GSTM3: variants seen among roughly 807,000 people sequenced by gnomAD.
The protein encoded by GSTM3 is GST class-mu 3.
GSTM3 carries 34 observed loss-of-function variants against 36.1 expected under a neutral mutation model. The ratio of observed to expected loss-of-function variants is 0.94; its 90% CI spans 0.72 to 1.25. GSTM3 has a LOEUF of 1.25. Among genes scored for constraint, GSTM3 ranks in the 50% most tolerant of loss-of-function variants. GSTM3 has a pLI of 0.00. For synonymous variants in GSTM3, 102 were observed against 99.5 expected (o/e 1.03, Z -0.15); for missense variants, 266 against 281.6 (o/e 0.94, Z 0.40).
rs1557980811 is a variant in GSTM3, at chr1:109,740,390, C to T, written c.-103G>A. On this transcript the variant is annotated 5_prime_UTR_variant, in exon 2 of 9. Transcript: ENST00000361066. Reference sequence around the variant, plus strand: ...GGCCCACGCGCGGGCGCCCTGACTCCGCCTCCGCCCCGTTCTCCGTCCCTT... The same window carrying T: ...GGCCCACGCGCGGGCGCCCTGACTCTGCCTCCGCCCCGTTCTCCGTCCCTT... 1.6e-5 allele frequency: 15 copies of T among 961,418 alleles called. No individual in the cohort carries two copies. The highest frequency in any genetic ancestry group is 6.8e-5 in the Admixed American group (3 of 44,258). The allele number at this position is 961,418 out of a possible 1,614,324, so 59.6% of individuals were successfully genotyped here.
Position 109,735,855 on chromosome 1 carries a change from A to G in GSTM3, c.*1216T>C, listed in dbSNP as rs1227455255. The G allele has an allele frequency of 6.6e-6, 1 of 151,886 alleles. No individual in the cohort carries two copies. Among genetic ancestry groups the G allele is most frequent in the Non-Finnish European group, 1.5e-5 (1 of 68,012 alleles). The allele number at this position is 151,886 out of a possible 1,614,324, so 9.4% of individuals were successfully genotyped here. A position where few individuals can be genotyped will look rare whatever the true frequency, so the allele number is the denominator to read the frequency against. On this transcript the variant is annotated 3_prime_UTR_variant, in exon 9 of 9. Coordinates refer to ENST00000361066, the MANE Select transcript of GSTM3 (RefSeq NM_000849.5). Reference sequence around the variant, plus strand: ...ACGGGGTTTCATCATGTTGGCCAGGATGGTCTCGATCTCTTGACCTCGTGA... The same window carrying G: ...ACGGGGTTTCATCATGTTGGCCAGGGTGGTCTCGATCTCTTGACCTCGTGA...
chr1:109,734,837 C>G lies in GSTM3; in HGVS notation c.*2234G>C, dbSNP rs1308548964. Reference sequence around the variant, plus strand: ...TGCCATTTGGGCCCTCTGACCATCACTAGAGAGATCCTTGGCTTCTGGTCC... The same window carrying G: ...TGCCATTTGGGCCCTCTGACCATCAGTAGAGAGATCCTTGGCTTCTGGTCC... On this transcript the variant is annotated 3_prime_UTR_variant, in exon 9 of 9. Transcript: ENST00000361066. 6.6e-6 allele frequency: 1 copy of G among 152,342 alleles called. No individual in the cohort carries two copies. Among genetic ancestry groups the G allele is most frequent in the East Asian group, 1.9e-4 (1 of 5,196 alleles). The allele number at this position is 152,342 out of a possible 1,614,324, so 9.4% of individuals were successfully genotyped here.
chr1:109,739,315 A>G, intron 4 of GSTM3, 114 bp downstream of exon 4: 1 of 629,282 alleles, frequency 1.6e-6, no homozygotes, highest in Non-Finnish European at 2.9e-6. Context: ...TATTTATTCT[A>G]TCCGGGTTAA....
intron 6 of GSTM3, 116 bp downstream of exon 6, chr1:109,737,975 C>T (rs1036486045): frequency 1.3e-6 from 1 of 742,044 alleles, no homozygotes; most frequent in South Asian, 1.6e-5. Flanking sequence ...CTTATTCTAA[C>T]AATCTGGATT....
chr1:109,740,250 T>G lies in GSTM3; in HGVS notation c.38A>C (p.Asp13Ala), dbSNP rs767487057. The G allele has an allele frequency of 2.0e-5, 33 of 1,613,278 alleles. No homozygotes were observed. The highest frequency in any genetic ancestry group is 4.2e-6 in the Non-Finnish European group (5 of 1,179,580). The part of the protein sequence containing the change: ...CESSMVLGYW[D>A]IRGLAHAIRL... ...TGAGACGGCACTCACCCCACGAATA[T>G]CCCAGTACCCGAGAACCATAGACGA... Residue 13 changes from aspartate to alanine, a missense_variant, in exon 2 of 9, where the codon GAT (aspartate) becomes GCT (alanine). Transcript: ENST00000361066.
chr1:109,739,124 A>C (rs1649294069), intron 4 of GSTM3, among the ~76,000 whole-genome samples: 1 of 152,230 alleles, frequency 6.6e-6, no homozygotes, highest in South Asian at 2.1e-4. Flanking sequence ...CTGTCTCAAA[A>C]CAAAAGAACA....
rs36210413 is a variant in GSTM3, at chr1:109,740,288, G to A, written c.-1C>T. The A allele has an allele frequency of 4.5e-5, 73 of 1,613,284 alleles. No individual in the cohort carries two copies. The African/African-American group carries it at 4.8e-4, about 11-fold the overall frequency. On this transcript the variant is annotated 5_prime_UTR_variant, in exon 2 of 9. Transcript: ENST00000361066. ...GAACCATAGACGACTCGCACGACATGGTGACGGGCTTCCGAGCCTTCGAGG... is the reference window on the plus strand; with the variant it reads ...GAACCATAGACGACTCGCACGACATAGTGACGGGCTTCCGAGCCTTCGAGG...
rs747271780 is a variant in GSTM3, at chr1:109,735,633, G to GAGTTTTTTTTTT, written c.*1437_*1438insAAAAAAAAAACT. 6 of 60,720 alleles carry GAGTTTTTTTTTT rather than the reference G, an allele frequency of 9.9e-5. 2 individuals carry two copies. The highest frequency in any genetic ancestry group is 2.1e-4 in the Admixed American group (1 of 4,666). 3.8% of individuals were successfully genotyped at this position (60,720 alleles called of 1,614,324 possible). A position where few individuals can be genotyped will look rare whatever the true frequency, so the allele number is the denominator to read the frequency against. On this transcript the variant is annotated 3_prime_UTR_variant, in exon 9 of 9. Transcript: ENST00000361066. ...CATCTTAGTATATGTCTCTTTGAAT[G>GAGTTTTTTTTTT]TTTTTTTTTTTTTTTTTTTTTTTTT...
chr1:109,738,443 A>C, intron 4 of GSTM3, 77 bp from the exon 5 acceptor site: 4 of 927,450 alleles, frequency 4.3e-6, no homozygotes, highest in Non-Finnish European at 7.1e-6. Context: ...GGGGAAAAGA[A>C]CACTTGCAGG....
Position 109,738,090 on chromosome 1 carries a change from C to G in GSTM3, c.372+1G>C. ...AGCAGATGTGTGCTAAGGAAACTCA[C>G]GTGGTCAGAGCTGTAACAGAGCCTT... On this transcript the variant is annotated splice_donor_variant, in intron 6 of 8. Coordinates refer to ENST00000361066, the MANE Select transcript of GSTM3 (RefSeq NM_000849.5). LOFTEE classifies it high-confidence loss of function. 1 of 1,599,688 alleles carries G rather than the reference C, an allele frequency of 6.3e-7. No individual in the cohort carries two copies. Among genetic ancestry groups the G allele is most frequent in the Non-Finnish European group, 8.6e-7 (1 of 1,166,844 alleles).
At chr1:109,739,100 G>A (rs1282407860) in intron 4 of GSTM3, among the ~76,000 whole-genome samples, 1 of 152,152 alleles carries the variant, frequency 6.6e-6, no homozygotes, top group African/African-American at 2.4e-5. Flanking sequence ...CAGCCTGAGC[G>A]ACAGAGTGAG....
At chr1:109,737,418 G>C in intron 8 of GSTM3, 39 bp downstream of exon 8, 1 of 1,263,452 alleles carries the variant, frequency 7.9e-7, no homozygotes, top group Non-Finnish European at 1.2e-6. Flanking sequence ...AGGGGAGCCT[G>C]TGAGTGTTTT....
At chr1:109,739,549 A>T in intron 3 of GSTM3, 56 bp from the exon 4 acceptor site, 2 of 1,276,584 alleles carry the variant, frequency 1.6e-6, no homozygotes, top group Non-Finnish European at 2.3e-6. Context: ...ACCTGACAAG[A>T]GCAAAAGATC....
At chr1:109,739,291 G>T in intron 4 of GSTM3, 138 bp downstream of exon 4, 1 of 556,642 alleles carries the variant, frequency 1.8e-6, no homozygotes, top group Non-Finnish European at 3.3e-6. Context: ...TCCAGTTCAA[G>T]GACCCCTGAA....
chr1:109,738,380 G>A lies in GSTM3; in HGVS notation c.190-14C>T. ...GAGGTAGGGCAGCTGAAAGGAAAAG[G>A]ACAGGACAAATGAACAACCTGCCTC... On this transcript the variant is annotated splice_polypyrimidine_tract_variant and intron_variant, in intron 4 of 8. Coordinates refer to ENST00000361066, the MANE Select transcript of GSTM3 (RefSeq NM_000849.5). 1 of 1,591,402 alleles carries A rather than the reference G, an allele frequency of 6.3e-7. No homozygotes were observed.
At chr1:109,739,083 T>C (rs1274030894) in intron 4 of GSTM3, among the ~76,000 whole-genome samples, 1 of 152,140 alleles carries the variant, frequency 6.6e-6, no homozygotes, top group African/African-American at 2.4e-5. Flanking sequence ...ATTGCGCCAC[T>C]GCACTCCAGC....
At chr1:109,740,039 C>A in intron 2 of GSTM3, 131 bp from the exon 3 acceptor site, 1 of 906,760 alleles carries the variant, frequency 1.1e-6, no homozygotes. Flanking sequence ...GCCCCTAGGC[C>A]CGGCTCCGGC....
In GSTM3 at chr1:109,738,302, G is replaced by A; in HGVS notation, c.254C>T (p.Ala85Val). 1 of 1,613,704 alleles carries A rather than the reference G, an allele frequency of 6.2e-7. No individual in the cohort carries two copies. Among genetic ancestry groups the A allele is most frequent in the Non-Finnish European group, 8.5e-7 (1 of 1,179,558 alleles). Residue 85 changes from alanine (A) to valine (V), a missense_variant, in exon 5 of 9, where the codon GCT (alanine) becomes GTT (valine). By Grantham distance (64) the Ala-to-Val change is moderately conservative. Coordinates refer to ENST00000361066, the MANE Select transcript of GSTM3 (RefSeq NM_000849.5). ...TQSNAILRYI[A>V]RKHNMCGETE... Reference sequence around the variant, plus strand: ...CCACTCACACATGTTGTGCTTGCGAGCGATGTAGCGCAAGATGGCATTGCT... The same window carrying A: ...CCACTCACACATGTTGTGCTTGCGAACGATGTAGCGCAAGATGGCATTGCT...
At chr1:109,738,789 C>T (rs1183028258) in intron 4 of GSTM3, among the ~76,000 whole-genome samples, 1 of 152,102 alleles carries the variant, frequency 6.6e-6, no homozygotes, top group East Asian at 1.9e-4. Flanking sequence ...ATAAATATCA[C>T]TTAAAATATC....
Sources: allele counts gnomAD v4.1 joint callset (sites outside exome capture counted in the v4.1 genomes callset), GRCh38; gene constraint gnomAD v4.1.1; transcripts MANE v1.5; gene names NCBI Gene and HGNC (gene_info 2026-07-23, HGNC 2026-07-21).